The following VSIG10 variants were observed in gnomAD, a reference collection of about 807,000 sequenced individuals.
VSIG10 encodes V-set and immunoglobulin domain containing 10, also known as V-set and immunoglobulin domain-containing protein 10.
VSIG10 carries 48 observed loss-of-function variants against 58.7 expected under a neutral mutation model. The observed-to-expected ratio is 0.82, with a 90% CI of 0.65 to 1.04. The LOEUF (loss-of-function observed/expected upper bound fraction) is 1.04, where lower values mean the gene tolerates loss of function less well. VSIG10 is among the 50% of genes least tolerant of loss of function. The pLI is 0.00. For synonymous variants in VSIG10, 260 were observed against 267.1 expected, an observed-to-expected ratio of 0.97 and a Z score of 0.26; for missense variants, 628 against 670.0, an observed-to-expected ratio of 0.94 and a Z score of 0.69.
At chr12:118,067,130 T>C (rs1051912533) in intron 8 of VSIG10, among the ~76,000 whole-genome samples, 1 of 151,940 alleles carries the variant, frequency 6.6e-6, no homozygotes, top group African/African-American at 2.4e-5. Flanking sequence ...GCTCAGGTGA[T>C]TCTCCCACCT....
intron 1 of VSIG10, among the ~76,000 whole-genome samples, chr12:118,099,887 G>T (rs1370346798): frequency 2.0e-5 from 3 of 152,196 alleles, no homozygotes; most frequent in Admixed American, 2.0e-4. Context: ...GCCCCAGGAA[G>T]TTCTGATTCT....
At chr12:118,093,087 A>T (rs2033344927) in intron 2 of VSIG10, among the ~76,000 whole-genome samples, 1 of 151,554 alleles carries the variant, frequency 6.6e-6, no homozygotes, top group Non-Finnish European at 1.5e-5. Context: ...CAGGAGATCG[A>T]GACCATCCTG....
intron 3 of VSIG10, among the ~76,000 whole-genome samples, chr12:118,081,855 A>G (rs951015817): frequency 2.0e-5 from 3 of 152,154 alleles, no homozygotes; most frequent in Non-Finnish European, 4.4e-5. Context: ...CGTCTCTACT[A>G]AAAATACAAA....
intron 2 of VSIG10, among the ~76,000 whole-genome samples, chr12:118,093,140 A>G (rs2137937583): frequency 6.6e-6 from 1 of 151,774 alleles, no homozygotes; most frequent in East Asian, 2.0e-4. Context: ...ATACAAAAAA[A>G]AAAAAAAAAT....
chr12:118,068,045 T>TTC (rs71450254), intron 8 of VSIG10, among the ~76,000 whole-genome samples: 12,106 of 140,930 alleles, frequency 0.086, 682 homozygotes, highest in Admixed American at 0.12. Flanking sequence ...TTTTTTTTTT[T>TTC]CTGAGGCAGG....
At chr12:118,068,194 CTTTTTTTTT>C (rs71069404) in intron 8 of VSIG10, among the ~76,000 whole-genome samples, 174 bp downstream of exon 8, 1 of 100,296 alleles carries the variant, frequency 1.0e-5, no homozygotes, top group Non-Finnish European at 1.9e-5. Flanking sequence ...GCTAATTTTT[CTTTTTTTTT>C]TTTTTTTTTT....
At chr12:118,072,100 C>CG in intron 5 of VSIG10, among the ~76,000 whole-genome samples, 1 of 148,224 alleles carries the variant, frequency 6.7e-6, no homozygotes, top group Admixed American at 6.7e-5. Context: ...ACCCGGGAGG[C>CG]GGGGGTTGCG....
intron 7 of VSIG10, among the ~76,000 whole-genome samples, chr12:118,070,547 CAAAAAAAAAA>C (rs10607174): frequency 9.0e-6 from 1 of 111,656 alleles, no homozygotes; most frequent in Admixed American, 9.1e-5. Context: ...GATTCTGTCT[CAAAAAAAAAA>C]AAAAAAAGAA....
chr12:118,073,078 C>G (rs574297904), intron 5 of VSIG10, among the ~76,000 whole-genome samples: 10 of 152,238 alleles, frequency 6.6e-5, no homozygotes, highest in African/African-American at 2.4e-4. Flanking sequence ...CAGATTCAAG[C>G]AATTCTGCCT....
At chr12:118,074,276 G>A (rs2032623108) in intron 4 of VSIG10, among the ~76,000 whole-genome samples, 1 of 152,026 alleles carries the variant, frequency 6.6e-6, no homozygotes, top group East Asian at 1.9e-4. Context: ...TAGAGACAGG[G>A]TTTCACCATG....
chr12:118,096,601 A>G (rs1303421781), intron 1 of VSIG10, among the ~76,000 whole-genome samples: 1 of 150,888 alleles, frequency 6.6e-6, no homozygotes, highest in Non-Finnish European at 1.5e-5. Flanking sequence ...AAAAGCACAA[A>G]AAATTAGCTG....
chr12:118,103,947 C>G lies in VSIG10; in HGVS notation c.-276G>C. On this transcript the variant is annotated 5_prime_UTR_variant, in exon 1 of 9. Transcript: ENST00000359236. ...CCTGCGCCCGCCAGCCTACTCCTGC[C>G]GGCGGAAAACAACAGGAGCGGGATC... 1 of 357,960 alleles carries G rather than the reference C, an allele frequency of 2.8e-6. No homozygotes were observed. Among genetic ancestry groups the G allele is most frequent in the Non-Finnish European group, 5.0e-6 (1 of 198,774 alleles). The allele number at this position is 357,960 out of a possible 1,614,324, so 22.2% of individuals were successfully genotyped here.
At chr12:118,089,349 C>T (rs1240886494) in intron 2 of VSIG10, among the ~76,000 whole-genome samples, 3 of 151,768 alleles carry the variant, frequency 2.0e-5, no homozygotes, top group African/African-American at 7.2e-5. Context: ...ATCCATCCTC[C>T]AATAAACTTA....
Position 118,103,869 on chromosome 12 carries a change from T to C in VSIG10, c.-198A>G, listed in dbSNP as rs2033684883. 1 of 465,154 alleles carries C rather than the reference T, an allele frequency of 2.1e-6. No homozygotes were observed. The highest frequency in any genetic ancestry group is 2.0e-5 in the African/African-American group (1 of 49,258). The allele number at this position is 465,154 out of a possible 1,614,324, so 28.8% of individuals were successfully genotyped here. A position where few individuals can be genotyped will look rare whatever the true frequency, so the allele number is the denominator to read the frequency against. On this transcript the variant is annotated 5_prime_UTR_variant, in exon 1 of 9. Coordinates refer to ENST00000359236, the MANE Select transcript of VSIG10 (RefSeq NM_019086.6). ...CCGGCAGCGGAGCTCGGCTGCAGGC[T>C]CGGGTCCCCGCTCCCGAGCGCCCTG...
Position 118,071,383 on chromosome 12 carries a change from A to G in VSIG10, c.1306T>C (p.Tyr436His). Residue 436 changes from tyrosine (Y) to histidine (H), a missense_variant, in exon 6 of 9, where the codon TAT becomes CAT. Tyr to His is a moderately conservative substitution (Grantham distance 83). Transcript: ENST00000359236. ...LAIISGLLLH[Y>H]SPVFCWKVGN... is the part of the protein sequence containing the mutation. ...CCTTTCCAGCAGAACACAGGGCTATAATGCAACAGAAGCCCTGAGATAATG... is the reference window on the plus strand; with the variant it reads ...CCTTTCCAGCAGAACACAGGGCTATGATGCAACAGAAGCCCTGAGATAATG... 6.2e-7 allele frequency: 1 copy of G among 1,613,846 alleles called. No individual in the cohort carries two copies. Among genetic ancestry groups the G allele is most frequent in the Middle Eastern group, 1.6e-4 (1 of 6,062 alleles).
At chr12:118,083,513 G>T (rs2033031304) in intron 2 of VSIG10, among the ~76,000 whole-genome samples, 1 of 152,064 alleles carries the variant, frequency 6.6e-6, no homozygotes, top group Non-Finnish European at 1.5e-5. Context: ...GGGAGGAAGA[G>T]GTTTGCAGTG....
intron 4 of VSIG10, among the ~76,000 whole-genome samples, chr12:118,075,587 C>T (rs1177716653): frequency 6.6e-6 from 1 of 152,046 alleles, no homozygotes; most frequent in Non-Finnish European, 1.5e-5. Context: ...AACTCCTGAC[C>T]TCAAATGATC....
intron 2 of VSIG10, among the ~76,000 whole-genome samples, chr12:118,086,158 CAA>C (rs34389356): frequency 1.3e-4 from 18 of 138,402 alleles, no homozygotes; most frequent in South Asian, 2.3e-4. Context: ...AACTTTGTCT[CAA>C]AAAAAAAAAA....
At position 118,079,439 on chromosome 12, in the gene VSIG10, T is replaced by C. The variant is rs1457116140; in HGVS notation, c.832A>G (p.Ser278Gly). The change falls in exon 4 of 9, where the codon AGC (serine) becomes GGC (glycine). Residue 278 changes from serine to glycine, a missense_variant. Coordinates refer to ENST00000359236, the MANE Select transcript of VSIG10 (RefSeq NM_019086.6). ...GKSKLGVEML[S>G]ESQLSDGKKF... is the part of the protein sequence containing the mutation. ...TTGCCATCCGACAGCTGGGACTCGC[T>C]CAGCATTTCCACCCCCAGCTTTGAC... 9 of 1,614,012 alleles carry C rather than the reference T, an allele frequency of 5.6e-6. No homozygotes were observed. Among genetic ancestry groups the C allele is most frequent in the Admixed American group, 1.7e-5 (1 of 60,008 alleles).
Sources: gnomAD v4.1 joint callset for allele counts (sites outside exome capture counted in the v4.1 genomes callset) on GRCh38, gnomAD v4.1.1 for gene constraint, MANE v1.5 for transcripts, NCBI Gene and HGNC (gene_info 2026-07-23, HGNC 2026-07-21) for gene names.